Variants in COL28A1 observed in about 807,000 individuals in gnomAD.
COL28A1 encodes collagen alpha-1(XXVIII) chain.
COL28A1 carries 161 observed loss-of-function variants against 150.2 expected under a neutral mutation model. The observed-to-expected ratio is 1.07, with a 90% confidence interval of 0.94 to 1.22. The LOEUF (loss-of-function observed/expected upper bound fraction) is 1.22. Among genes scored for constraint, COL28A1 ranks in the 50% most tolerant of loss-of-function variants. The pLI, the probability that COL28A1 is intolerant of heterozygous loss-of-function variation, is 0.00. For synonymous variants in COL28A1, 552 were observed against 469.7 expected (o/e 1.18, Z -2.26); for missense variants, 1,617 against 1,388.3 (o/e 1.16, Z -2.62).
At chr7:7,487,111 T>A (rs1727029924) in intron 13 of COL28A1, among the ~76,000 whole-genome samples, 2 of 152,124 alleles carry the variant, frequency 1.3e-5, no homozygotes, top group Non-Finnish European at 2.9e-5. Flanking sequence ...GTTTACCAAC[T>A]CATTCTCTAT....
At chr7:7,421,303 AAC>A (rs1784380365) in intron 25 of COL28A1, among the ~76,000 whole-genome samples, 1 of 152,218 alleles carries the variant, frequency 6.6e-6, no homozygotes, top group Non-Finnish European at 1.5e-5. Flanking sequence ...CAGGGACAGC[AAC>A]ATGGATTAAC....
chr7:7,415,294 C>A (rs1784007328), intron 27 of COL28A1, among the ~76,000 whole-genome samples: 6 of 152,330 alleles, frequency 3.9e-5, no homozygotes, highest in Admixed American at 3.9e-4. Flanking sequence ...AATAAGTCAA[C>A]AAATGAATGT....
chr7:7,502,448 C>T (rs1780586336), intron 11 of COL28A1, among the ~76,000 whole-genome samples: 1 of 152,092 alleles, frequency 6.6e-6, no homozygotes, highest in South Asian at 2.1e-4. Flanking sequence ...TCTTTGGCCA[C>T]CTTTTCTGAA....
intron 25 of COL28A1, among the ~76,000 whole-genome samples, chr7:7,426,854 T>C (rs1784664794): frequency 6.6e-6 from 1 of 152,248 alleles, no homozygotes; most frequent in African/African-American, 2.4e-5. Context: ...CTTATTTAGC[T>C]TGGTTAGAAA....
upstream of COL28A1, among the ~76,000 whole-genome samples, chr7:7,540,203 G>T (rs1040482183): frequency 6.6e-6 from 1 of 152,160 alleles, no homozygotes; most frequent in Non-Finnish European, 1.5e-5. Context: ...TCAATGGATA[G>T]AGCAGTTTTA....
intron 26 of COL28A1, among the ~76,000 whole-genome samples, chr7:7,418,257 C>A (rs1784213740): frequency 6.6e-6 from 1 of 152,242 alleles, no homozygotes; most frequent in Non-Finnish European, 1.5e-5. Context: ...CAGGGCTGCC[C>A]TGCACCACAT....
chr7:7,373,276 G>A lies in COL28A1; in HGVS notation c.2630C>T (p.Thr877Ile), dbSNP rs1562487002. Residue 877 changes from threonine (T) to isoleucine (I), a missense_variant, in exon 32 of 35, where the codon ACA becomes ATA. Thr to Ile is a moderately conservative substitution (Grantham distance 89). Transcript: ENST00000399429. This position sits in a 1 kb window ranked among gnomAD's most constrained non-coding sequence, Gnocchi z 4.1. ...GTTGGCTGCTTGCAGAGCAGTGGCT[G>A]TGTATGTGCCTTCCCCCAGATACTG... ...NMQYLGEGTYTATALQAANDM... is the reference protein window; with the variant it reads ...NMQYLGEGTYIATALQAANDM... 5.0e-6 allele frequency: 8 copies of A among 1,614,174 alleles called. No individual in the cohort carries two copies. Among genetic ancestry groups the A allele is most frequent in the Admixed American group, 1.7e-5 (1 of 60,024 alleles).
At chr7:7,484,655 T>C (rs2128363424) in intron 13 of COL28A1, among the ~76,000 whole-genome samples, 1 of 152,272 alleles carries the variant, frequency 6.6e-6, no homozygotes, top group Admixed American at 6.5e-5. Context: ...ATGGTCAGTA[T>C]ATTTTTCAGG....
intron 27 of COL28A1, among the ~76,000 whole-genome samples, chr7:7,396,735 G>C (rs929035144): frequency 6.6e-6 from 1 of 152,134 alleles, no homozygotes; most frequent in Non-Finnish European, 1.5e-5. Flanking sequence ...GGGCTTAATG[G>C]AACAAAAACA....
intron 21 of COL28A1, among the ~76,000 whole-genome samples, chr7:7,440,369 G>A (rs1009929910): frequency 2.6e-5 from 4 of 152,228 alleles, no homozygotes; most frequent in African/African-American, 9.6e-5. Context: ...CTTGCTCCAA[G>A]AGGTTCATGG....
At chr7:7,520,341 C>T (rs922238763) in intron 5 of COL28A1, among the ~76,000 whole-genome samples, 2 of 152,220 alleles carry the variant, frequency 1.3e-5, no homozygotes, top group African/African-American at 4.8e-5. Context: ...ATGTTTCTCT[C>T]TTCCCACCAA....
At chr7:7,518,570 G>C (rs983697194) in intron 6 of COL28A1, among the ~76,000 whole-genome samples, 2 of 152,020 alleles carry the variant, frequency 1.3e-5, no homozygotes, top group Admixed American at 6.5e-5. Flanking sequence ...AGTTAACTTT[G>C]TTAGTATTTG....
chr7:7,523,055 T>C (rs1435606657), intron 4 of COL28A1, among the ~76,000 whole-genome samples: 1 of 151,876 alleles, frequency 6.6e-6, no homozygotes, highest in African/African-American at 2.4e-5. Flanking sequence ...AAAATCTACA[T>C]CCAAAATGTC....
At chr7:7,516,346 A>G (rs1383269961) in intron 7 of COL28A1, among the ~76,000 whole-genome samples, 7 of 152,230 alleles carry the variant, frequency 4.6e-5, no homozygotes, top group Non-Finnish European at 8.8e-5. Flanking sequence ...GATATATAAC[A>G]TCAAGGAAAT....
At chr7:7,485,643 G>A (rs1278083079) in intron 13 of COL28A1, among the ~76,000 whole-genome samples, 1 of 152,054 alleles carries the variant, frequency 6.6e-6, no homozygotes, top group African/African-American at 2.4e-5. Context: ...TTTTGTATAA[G>A]GTGTGAGACT....
At chr7:7,378,109 G>A (rs1192803891) in intron 30 of COL28A1, among the ~76,000 whole-genome samples, 2 of 152,092 alleles carry the variant, frequency 1.3e-5, no homozygotes, top group East Asian at 1.9e-4. Context: ...AGCCAAGGAT[G>A]TAAGATCTGG....
Position 7,452,359 on chromosome 7 carries a change from C to T in COL28A1, c.1469G>A (p.Gly490Asp), listed in dbSNP as rs934422118. The change falls in exon 18 of 35, where the codon GGC becomes GAC. Residue 490 changes from glycine to aspartate, a missense_variant. Physicochemically the swap from Gly to Asp is moderately conservative, Grantham distance 94. Coordinates refer to ENST00000399429, the MANE Select transcript of COL28A1 (RefSeq NM_001037763.3). ...TCCAATTCCCACTGGTCCTCGAGGG[C>T]CTGTAGGTCCCATTTGGCCTACTTC... ...KGEVGQMGPTGPRGPVGIGVQ... is the reference protein window; with the variant it reads ...KGEVGQMGPTDPRGPVGIGVQ... 6.2e-6 allele frequency: 10 copies of T among 1,604,302 alleles called. No homozygotes were observed. The highest frequency in any genetic ancestry group is 8.5e-6 in the Non-Finnish European group (10 of 1,177,832).
At chr7:7,385,249 T>A (rs891140645) in intron 27 of COL28A1, among the ~76,000 whole-genome samples, 2 of 152,190 alleles carry the variant, frequency 1.3e-5, no homozygotes, top group East Asian at 1.9e-4. Flanking sequence ...TTTCATTCAA[T>A]GAGGTACCTG....
At chr7:7,529,114 CAT>C (rs1289464025) in intron 3 of COL28A1, among the ~76,000 whole-genome samples, 2 of 151,656 alleles carry the variant, frequency 1.3e-5, no homozygotes, top group African/African-American at 4.8e-5. Context: ...ACAGCCTGGC[CAT>C]CTCTACTCAA....
Sources: gnomAD v4.1 joint callset for allele counts (sites outside exome capture counted in the v4.1 genomes callset) on GRCh38, gnomAD v4.1.1 for gene constraint, Gnocchi (gnomAD v3.1) non-coding constraint, MANE v1.5 for transcripts, NCBI Gene and HGNC (gene_info 2026-07-23, HGNC 2026-07-21) for gene names.